Variants in CLCN7 observed in about 807,000 individuals in gnomAD.
CLCN7 encodes Cl-/H+ antiporter 7, also known as H(+)/Cl(-) exchange transporter 7.
In CLCN7, 60 loss-of-function variants were observed where a neutral mutation model predicts 102.1. That is an observed-to-expected ratio of 0.59 (90% CI 0.48 to 0.73). The LOEUF (loss-of-function observed/expected upper bound fraction) is 0.73, where lower values mean the gene tolerates loss of function less well. CLCN7 is among the 30% of genes least tolerant of loss of function. CLCN7 has a pLI of 0.00. For missense variants in CLCN7, 962 were observed against 1,125.7 expected (o/e 0.85, Z 2.08); for synonymous variants, 560 against 490.5 (o/e 1.14, Z -1.87).
At chr16:1,460,595 C>A in intron 5 of CLCN7, 68 bp from the exon 6 acceptor site, 1 of 1,381,360 alleles carries the variant, frequency 7.2e-7, no homozygotes, top group Non-Finnish European at 1.0e-6. Flanking sequence ...TCAGCCCTGC[C>A]CCACAGACCA....
intron 2 of CLCN7, among the ~76,000 whole-genome samples, chr16:1,464,065 G>C (rs1336171124): frequency 6.6e-6 from 1 of 151,988 alleles, no homozygotes; most frequent in Non-Finnish European, 1.5e-5. Context: ...CACCTCCCTT[G>C]GCCAAAACTT....
chr16:1,451,013 AG>A (rs2038739506), intron 16 of CLCN7, among the ~76,000 whole-genome samples: 1 of 152,188 alleles, frequency 6.6e-6, no homozygotes, highest in South Asian at 2.1e-4. Context: ...CTCCGGGAAG[AG>A]GGTGCCCCCC....
rs1362942841 is a variant in CLCN7 at position 1,450,823 on chromosome 16, G to A, written c.1448-157C>T. 1.3e-5 allele frequency among the ~76,000 whole-genome samples: 2 copies of A among 149,594 alleles called. 1 individual carries two copies. ...GTCCCCAGAAGGCTCCCTGTTCTCA[G>A]CCTCCCTGGGAAGCAGAAAGGCTAA... is the stretch of plus-strand genomic sequence containing the variant. On this transcript the variant is annotated intron_variant, in intron 16 of 24. Coordinates refer to ENST00000382745, the MANE Select transcript of CLCN7 (RefSeq NM_001287.6).
intron 13 of CLCN7, 111 bp from the exon 14 acceptor site, chr16:1,454,005 G>T (rs765075463): frequency 1.0e-6 from 1 of 991,368 alleles, no homozygotes; most frequent in Non-Finnish European, 1.6e-6. Flanking sequence ...GGAAGGGGAC[G>T]GCAGGGGGCT....
At chr16:1,452,970 C>T (rs2038777769) in intron 14 of CLCN7, 77 bp from the exon 15 acceptor site, 3 of 1,534,490 alleles carry the variant, frequency 2.0e-6, no homozygotes, top group South Asian at 1.2e-5. Flanking sequence ...CAACTCGAGT[C>T]CCTGATGGAG....
chr16:1,453,096 C>T (rs923509746), intron 14 of CLCN7, among the ~76,000 whole-genome samples: 5 of 152,190 alleles, frequency 3.3e-5, no homozygotes, highest in African/African-American at 1.2e-4. Context: ...CAACCTCCAC[C>T]TCCCAGGTTC....
Position 1,450,582 on chromosome 16 carries a change from G to A in CLCN7, c.1532C>T (p.Ala511Val). ...GAGCAGGGACGGGATGAAGACCCCG[G>A]CAGACACCGTGAGCCCGTAGGTCCA... is the stretch of plus-strand genomic sequence containing the variant. ...ACWTYGLTVS[A>V]GVFIPSLLIG... The change falls in exon 17 of 25, where the codon GCC becomes GTC. Residue 511 changes from alanine (A) to valine (V), a missense_variant. Around this residue, in one of 2 missense-constraint regions of CLCN7, gnomAD observed 799 missense variants for 988.0 expected, o/e 0.81. Transcript: ENST00000382745. 1 of 1,612,342 alleles carries A rather than the reference G, an allele frequency of 6.2e-7. No homozygotes were observed. The highest frequency in any genetic ancestry group is 8.5e-7 in the Non-Finnish European group (1 of 1,179,694).
chr16:1,452,958 G>A (rs973870898), intron 14 of CLCN7, 65 bp from the exon 15 acceptor site: 2 of 1,545,836 alleles, frequency 1.3e-6, no homozygotes. Context: ...CAGGCCCCAT[G>A]GCAACTCGAG....
Position 1,449,782 on chromosome 16 carries a change from C to T in CLCN7, c.1618-455G>A, listed in dbSNP as rs144655698. ...CGGAACATTCTAGAAGTGGTAGTGA[C>T]GGCCGCACTGCCTCGTGAACGTGAG... On this transcript the variant is annotated intron_variant, in intron 17 of 24. Transcript: ENST00000382745. 655 of 242,894 alleles carry T rather than the reference C, an allele frequency of 2.7e-3. 1 individual carries two copies. Among genetic ancestry groups the T allele is most frequent in the Non-Finnish European group, 4.5e-3 (554 of 123,018 alleles). The allele number at this position is 242,894 out of a possible 1,614,324, so 15.0% of individuals were successfully genotyped here.
In CLCN7 at chr16:1,456,190, C is replaced by A. The variant is rs1163577336; in HGVS notation, c.839G>T (p.Arg280Leu). 2 of 1,566,032 alleles carry A rather than the reference C, an allele frequency of 1.3e-6. No homozygotes were observed. The highest frequency in any genetic ancestry group is 1.4e-5 in the African/African-American group (1 of 73,660). Residue 280 changes from arginine to leucine, a missense_variant, in exon 10 of 25, where the codon CGC becomes CTC. Around this residue, in one of 2 missense-constraint regions of CLCN7, gnomAD observed 799 missense variants for 988.0 expected, o/e 0.81. Transcript: ENST00000382745. ...KRDFKIFEYF[R>L]RDTEKRDFVS... is the part of the protein sequence containing the mutation. ...GAAGTCCCGCTTCTCTGTGTCTCTG[C>A]GGAAGTACTCGAAGATCTGCAACAG...
rs367743608 is a variant in CLCN7, at chr16:1,454,389, C to T, written c.1153+22G>A. 8.4e-5 allele frequency: 136 copies of T among 1,611,442 alleles called. No individual in the cohort carries two copies. In the African/African-American group the frequency reaches 1.5e-3, roughly 18 times the overall value. ...GAGCCAGGCCCGCAGGCCGTCCCTG[C>T]GGTGCTGGGAGAAGCCCTTACCCAC... On this transcript the variant is annotated intron_variant, in intron 13 of 24. Transcript: ENST00000382745.
In CLCN7 at chr16:1,457,211, G is replaced by A. The variant is rs1344697497; in HGVS notation, c.822+43C>T. 1.9e-6 allele frequency: 3 copies of A among 1,558,394 alleles called. No individual in the cohort carries two copies. Among genetic ancestry groups the A allele is most frequent in the African/African-American group, 1.4e-5 (1 of 73,838 alleles). On this transcript the variant is annotated intron_variant, in intron 9 of 24. Transcript: ENST00000382745. This position sits in a 1 kb window ranked among gnomAD's most constrained non-coding sequence, Gnocchi z 5.4. ...CTCCCTGAGTGGTGCCCGTGCCCGT[G>A]CCCATGGCATCTGGAGCCCACCCAC... is the stretch of plus-strand genomic sequence containing the variant.
intron 1 of CLCN7, among the ~76,000 whole-genome samples, chr16:1,470,389 G>C (rs1406108734): frequency 1.3e-5 from 2 of 152,202 alleles, no homozygotes; most frequent in Non-Finnish European, 1.5e-5. Context: ...TGCTCGGCCT[G>C]TGTTGCGTCC....
chr16:1,462,977 A>G (rs1567273580), intron 2 of CLCN7, among the ~76,000 whole-genome samples: 2 of 152,194 alleles, frequency 1.3e-5, no homozygotes, highest in East Asian at 3.9e-4. Context: ...CCTGGGCAAC[A>G]TAGTAAGACT....
chr16:1,465,972 T>A (rs2038999681), intron 1 of CLCN7, among the ~76,000 whole-genome samples: 1 of 152,192 alleles, frequency 6.6e-6, no homozygotes, highest in Non-Finnish European at 1.5e-5. Context: ...GGCTCCTTAC[T>A]AGAGCCAAGG....
At position 1,457,604 on chromosome 16, in the gene CLCN7, C is replaced by CTGGTG. The variant is rs2038856430; in HGVS notation, c.738+89_738+90insCACCA. The CTGGTG allele has an allele frequency of 7.6e-7, 1 of 1,319,258 alleles. No homozygotes were observed. The highest frequency in any genetic ancestry group is 1.8e-5 in the Admixed American group (1 of 57,078). The allele number at this position is 1,319,258 out of a possible 1,614,324, so 81.7% of individuals were successfully genotyped here. ...CGGCCCTTCCTGGAGACCAGAAGGA[C>CTGGTG]CGGTGCTCAGAGACACACATGGGCG... On this transcript the variant is annotated intron_variant, in intron 8 of 24. Transcript: ENST00000382745. The surrounding 1 kb of genome is among the most constrained non-coding windows in gnomAD (Gnocchi z 5.4).
At position 1,461,411 on chromosome 16, in the gene CLCN7, A is replaced by G. The variant is rs2038934703; in HGVS notation, c.345T>C (p.Asn115=). ...GGAGCGGCGTCCAGCTCACCGTGTGATTGATCCGCCGCTCCTCCTCCAGGA... is the reference window on the plus strand; with the variant it reads ...GGAGCGGCGTCCAGCTCACCGTGTGGTTGATCCGCCGCTCCTCCTCCAGGA... ...QLFLEEERRI[N]HTAFRTVEIK... is the part of the protein sequence containing the mutation. The change falls in exon 4 of 25, where the codon AAT becomes AAC. Residue 115 remains asparagine (N), a synonymous_variant. Transcript: ENST00000382745. 1 of 1,550,016 alleles carries G rather than the reference A, an allele frequency of 6.5e-7. No homozygotes were observed. The highest frequency in any genetic ancestry group is 1.4e-5 in the African/African-American group (1 of 73,102).
intron 1 of CLCN7, among the ~76,000 whole-genome samples, chr16:1,469,157 G>T (rs933075502): frequency 9.2e-5 from 14 of 151,950 alleles, no homozygotes; most frequent in Admixed American, 8.5e-4. Context: ...AGTGAGCCGA[G>T]ATCCTGCCAC....
At chr16:1,465,414 G>A (rs12927645) in intron 1 of CLCN7, 76 bp from the exon 2 acceptor site, 19 of 1,342,298 alleles carry the variant, frequency 1.4e-5, no homozygotes, top group African/African-American at 1.3e-4. Context: ...TCCCGCCGCC[G>A]CACCCTGGCC....
Sources: allele counts gnomAD v4.1 joint callset (sites outside exome capture counted in the v4.1 genomes callset), GRCh38; gene constraint gnomAD v4.1.1; regional missense constraint gnomAD v4.1.1; non-coding constraint Gnocchi (gnomAD v3.1); transcripts MANE v1.5; gene names NCBI Gene and HGNC (gene_info 2026-07-23, HGNC 2026-07-21).